The following MLST8 variants were observed in gnomAD, a reference collection of about 807,000 sequenced individuals.
The protein encoded by MLST8 is MTOR associated protein MLST8, also known as target of rapamycin complex subunit LST8.
Under a neutral mutation model 41.3 loss-of-function variants are expected in MLST8, and 20 were observed. The ratio of observed to expected loss-of-function variants is 0.48; its 90% confidence interval spans 0.34 to 0.70. MLST8 has a LOEUF of 0.70. MLST8 is among the 30% of genes least tolerant of loss of function. MLST8 has a pLI of 0.01. For missense variants in MLST8, 422 were observed against 454.3 expected (o/e 0.93, Z 0.65); for synonymous variants, 243 against 183.0 (o/e 1.33, Z -2.65).
chr16:2,205,644 G>T (rs1388567067), intron 1 of MLST8, 132 bp downstream of exon 1: 17 of 983,316 alleles, frequency 1.7e-5, no homozygotes, highest in Non-Finnish European at 1.9e-5. Context: ...GGTCCAGCCA[G>T]ACTGCGCCCT....
rs752677195 is a variant in MLST8 at position 2,208,260 on chromosome 16, C to T, written c.624C>T (p.Thr208=). The change falls in exon 7 of 9, where the codon ACC becomes ACT. Residue 208 remains threonine (T), a synonymous_variant. Transcript: ENST00000569417. ...NLTGGIGDEV[T]QLIPKTKIPA... ...CGGGGGGCATTGGTGACGAGGTGAC[C>T]CAGCTCATCCCCAAGACTAAGATCC... The T allele has an allele frequency of 8.1e-6, 13 of 1,613,424 alleles. No individual in the cohort carries two copies. Among genetic ancestry groups the T allele is most frequent in the Middle Eastern group, 1.6e-4 (1 of 6,084 alleles).
At position 2,209,278 on chromosome 16, in the gene MLST8, C is replaced by T; in HGVS notation, c.*401C>T. On this transcript the variant is annotated 3_prime_UTR_variant, in exon 9 of 9. Transcript: ENST00000569417. ...GCCAGGTGGAAGGGTTTATTAGTCC[C>T]TGCCAGCAGCTGTCCTCCCTGGTGC... The T allele has an allele frequency of 1.6e-6, 2 of 1,284,484 alleles. No individual in the cohort carries two copies. Among genetic ancestry groups the T allele is most frequent in the Non-Finnish European group, 2.2e-6 (2 of 904,376 alleles). 79.6% of individuals were successfully genotyped at this position (1,284,484 alleles called of 1,614,324 possible).
Position 2,206,060 on chromosome 16 carries a change from G to A in MLST8, c.-26G>A, listed in dbSNP as rs1375684551. ...TCTGACCTTTGACCCCTGCCGTTCA[G>A]CTCTAGGGCCCGTGCAGGCCACACC... On this transcript the variant is annotated 5_prime_UTR_variant, in exon 2 of 9. Coordinates refer to ENST00000569417, the MANE Select transcript of MLST8 (RefSeq NM_022372.6). 3 of 1,568,886 alleles carry A rather than the reference G, an allele frequency of 1.9e-6. No homozygotes were observed. Among genetic ancestry groups the A allele is most frequent in the Non-Finnish European group, 2.6e-6 (3 of 1,154,162 alleles).
Position 2,208,853 on chromosome 16 carries a change from C to A in MLST8, c.957C>A (p.Ala319=). Residue 319 remains alanine, a synonymous_variant, in exon 9 of 9, where the codon GCC becomes GCA. Transcript: ENST00000569417. ...ACCAGAAGGCTGTTGTCTGCCTGGCCTTCAATGACAGTGTGCTGGGCTAGC... is the reference window on the plus strand; with the variant it reads ...ACCAGAAGGCTGTTGTCTGCCTGGCATTCAATGACAGTGTGCTGGGCTAGC... ...GGHQKAVVCL[A]FNDSVLG 6.2e-7 allele frequency: 1 copy of A among 1,613,702 alleles called. No homozygotes were observed. Among genetic ancestry groups the A allele is most frequent in the South Asian group, 1.1e-5 (1 of 91,090 alleles).
At chr16:2,205,817 C>A in intron 1 of MLST8, 1 of 1,135,588 alleles carries the variant, frequency 8.8e-7, no homozygotes, top group Non-Finnish European at 1.1e-6. Flanking sequence ...GGGGGGACGG[C>A]GCCCCCGCCG....
intron 6 of MLST8, 116 bp downstream of exon 6, chr16:2,207,461 G>A (rs549978999): frequency 2.5e-5 from 33 of 1,323,856 alleles, no homozygotes; most frequent in African/African-American, 2.9e-5. Context: ...TCCCCATCCC[G>A]GGCACTAACA....
At position 2,206,167 on chromosome 16, in the gene MLST8, C is replaced by T; in HGVS notation, c.82C>T (p.Gln28Ter). 6.2e-7 allele frequency: 1 copy of T among 1,611,590 alleles called. No individual in the cohort carries two copies. The highest frequency in any genetic ancestry group is 8.5e-7 in the Non-Finnish European group (1 of 1,179,400). ...CTACGACCACACCGTGCGCTTCTGGCAGGCCCACAGCGGCATCTGCACCCG... is the reference window on the plus strand; with the variant it reads ...CTACGACCACACCGTGCGCTTCTGGTAGGCCCACAGCGGCATCTGCACCCG... ...AGYDHTVRFWQAHSGICTRTV... is the reference protein window; with the variant it reads ...AGYDHTVRFW The change falls in exon 2 of 9, where the codon CAG (glutamine) becomes TAG (stop). Residue 28 changes from glutamine (Q) to a stop codon, truncating the protein, a stop_gained. Transcript: ENST00000569417. LOFTEE classifies it high-confidence loss of function.
intron 3 of MLST8, 42 bp downstream of exon 3, chr16:2,206,451 G>C: frequency 6.2e-7 from 1 of 1,613,568 alleles, no homozygotes; most frequent in Non-Finnish European, 8.5e-7. Flanking sequence ...AGCTCTGGTG[G>C]GTCGACCTCA....
intron 6 of MLST8, 104 bp from the exon 7 acceptor site, chr16:2,208,106 G>A (rs1191195418): frequency 1.4e-6 from 2 of 1,391,002 alleles, no homozygotes; most frequent in Non-Finnish European, 1.9e-6. Flanking sequence ...CTCACCCGGG[G>A]TCCCCATGCA....
chr16:2,209,386 G>C lies in MLST8; in HGVS notation c.*509G>C. On this transcript the variant is annotated 3_prime_UTR_variant, in exon 9 of 9. Transcript: ENST00000569417. ...CTCAGTCTGGGAGGTAATAAAAGCA[G>C]ACCGACACGCAGATGTTGCTCGGGA... is the stretch of plus-strand genomic sequence containing the variant. 1.2e-6 allele frequency: 2 copies of C among 1,613,636 alleles called. No homozygotes were observed. Among genetic ancestry groups the C allele is most frequent in the East Asian group, 2.2e-5 (1 of 44,868 alleles).
chr16:2,208,329 C>G lies in MLST8; in HGVS notation c.693C>G (p.Asp231Glu), dbSNP rs763326806. The G allele has an allele frequency of 1.2e-6, 2 of 1,606,608 alleles. No homozygotes were observed. Among genetic ancestry groups the G allele is most frequent in the Non-Finnish European group, 1.7e-6 (2 of 1,174,662 alleles). Residue 231 changes from aspartate to glutamate, a missense_variant, in exon 7 of 9, where the codon GAC (aspartate) becomes GAG (glutamate). Transcript: ENST00000569417. Reference protein sequence around the residue: ...RYALQCRFSPDSTLLATCSAD... With the variant: ...RYALQCRFSPESTLLATCSAD... ...CCCTGCAGTGTCGCTTCAGCCCCGA[C>G]TCCACGTGCGTGCAGGGCCTGCTGG...
chr16:2,205,657 C>T (rs768886677), intron 1 of MLST8, 145 bp downstream of exon 1: 1 of 986,700 alleles, frequency 1.0e-6, no homozygotes, highest in Non-Finnish European at 1.2e-6. Flanking sequence ...TGCGCCCTTT[C>T]CCATCAGGGC....
rs944045614 is a variant in MLST8, at chr16:2,206,401, C to T, written c.173C>T (p.Ala58Val). The T allele has an allele frequency of 1.9e-6, 3 of 1,614,032 alleles. No homozygotes were observed. Among genetic ancestry groups the T allele is most frequent in the Non-Finnish European group, 2.5e-6 (3 of 1,180,004 alleles). The change falls in exon 3 of 9, where the codon GCT (alanine) becomes GTT (valine). Residue 58 changes from alanine (A) to valine (V), a missense_variant. Transcript: ENST00000569417. ...GTCACACCGGACCGCAGCATGATTG[C>T]TGCTGCAGGTATCTGTGATCCTTGA... ...LEVTPDRSMIAAAGYQHIRMY... is the reference protein window; with the variant it reads ...LEVTPDRSMIVAAGYQHIRMY...
chr16:2,205,614 G>A (rs1246823563), intron 1 of MLST8, 102 bp downstream of exon 1: 1 of 927,666 alleles, frequency 1.1e-6, no homozygotes, highest in African/African-American at 1.8e-5. Flanking sequence ...GGCGGTCACC[G>A]GAGGAAAGGG....
Position 2,209,039 on chromosome 16 carries a change from A to G in MLST8, c.*162A>G. The G allele has an allele frequency of 1.3e-6, 1 of 762,972 alleles. No homozygotes were observed. The highest frequency in any genetic ancestry group is 2.2e-6 in the Non-Finnish European group (1 of 459,846). The allele number at this position is 762,972 out of a possible 1,614,324, so 47.3% of individuals were successfully genotyped here. ...TGGGCCAGGCTGCCCTGGGACTCTC[A>G]GCCCCCAGTTGCTTATCCAGATGTG... On this transcript the variant is annotated 3_prime_UTR_variant, in exon 9 of 9. Transcript: ENST00000569417.
In MLST8 at chr16:2,209,276, C is replaced by T; in HGVS notation, c.*399C>T. 1 of 1,270,808 alleles carries T rather than the reference C, an allele frequency of 7.9e-7. No homozygotes were observed. The highest frequency in any genetic ancestry group is 1.1e-6 in the Non-Finnish European group (1 of 893,308). The allele number at this position is 1,270,808 out of a possible 1,614,324, so 78.7% of individuals were successfully genotyped here. On this transcript the variant is annotated 3_prime_UTR_variant, in exon 9 of 9. Coordinates refer to ENST00000569417, the MANE Select transcript of MLST8 (RefSeq NM_022372.6). Reference sequence around the variant, plus strand: ...TGGCCAGGTGGAAGGGTTTATTAGTCCCTGCCAGCAGCTGTCCTCCCTGGT... The same window carrying T: ...TGGCCAGGTGGAAGGGTTTATTAGTTCCTGCCAGCAGCTGTCCTCCCTGGT...
Position 2,209,222 on chromosome 16 carries a change from G to C in MLST8, c.*345G>C, listed in dbSNP as rs900550214. 6 of 821,934 alleles carry C rather than the reference G, an allele frequency of 7.3e-6. No homozygotes were observed. Among genetic ancestry groups the C allele is most frequent in the South Asian group, 5.3e-5 (3 of 57,004 alleles). The allele number at this position is 821,934 out of a possible 1,614,324, so 50.9% of individuals were successfully genotyped here. Reference sequence around the variant, plus strand: ...TGCCCCTCCCTGCCCGCGTTTCAGGGCCTCGGTCCATAGAGAACACCACCA... The same window carrying C: ...TGCCCCTCCCTGCCCGCGTTTCAGGCCCTCGGTCCATAGAGAACACCACCA... On this transcript the variant is annotated 3_prime_UTR_variant, in exon 9 of 9. Coordinates refer to ENST00000569417, the MANE Select transcript of MLST8 (RefSeq NM_022372.6).
intron 2 of MLST8, 63 bp from the exon 3 acceptor site, chr16:2,206,295 G>C: frequency 1.2e-6 from 2 of 1,607,934 alleles, no homozygotes; most frequent in Non-Finnish European, 1.7e-6. Context: ...AGGCCAGATG[G>C]TGGAGGCCTG....
At position 2,206,626 on chromosome 16, in the gene MLST8, G is replaced by A. The variant is rs1469631619; in HGVS notation, c.311G>A (p.Gly104Asp). The change falls in exon 4 of 9, where the codon GGC becomes GAC. Residue 104 changes from glycine to aspartate, a missense_variant. By Grantham distance (94) the Gly-to-Asp change is moderately conservative. Coordinates refer to ENST00000569417, the MANE Select transcript of MLST8 (RefSeq NM_022372.6). ...HEDGRWMYTG[G>D]EDCTARIWDL... ...GACGGCCGCTGGATGTACACGGGCG[G>A]CGAGGACTGCACAGCCAGGATCTGG... The A allele has an allele frequency of 6.2e-7, 1 of 1,613,732 alleles. No individual in the cohort carries two copies. The highest frequency in any genetic ancestry group is 1.7e-5 in the Admixed American group (1 of 59,980).
Sources: gnomAD v4.1 joint callset for allele counts on GRCh38, gnomAD v4.1.1 for gene constraint, MANE v1.5 for transcripts, NCBI Gene and HGNC (gene_info 2026-07-23, HGNC 2026-07-21) for gene names.